AP3B2: variants seen among roughly 807,000 people sequenced by gnomAD.
AP3B2 encodes the protein adaptor related protein complex 3 subunit beta 2.
Under a neutral mutation model 126.9 loss-of-function variants are expected in AP3B2, and 50 were observed. The ratio of observed to expected loss-of-function variants is 0.39; its 90% CI spans 0.31 to 0.50. The LOEUF (loss-of-function observed/expected upper bound fraction) is 0.50. AP3B2 is among the 20% of genes least tolerant of loss of function. The pLI is 0.79. For missense variants in AP3B2, 1,177 were observed against 1,426.4 expected, an observed-to-expected ratio of 0.83 and a Z score of 2.82; for synonymous variants, 541 against 565.0, an observed-to-expected ratio of 0.96 and a Z score of 0.60.
intron 1 of AP3B2, among the ~76,000 whole-genome samples, chr15:82,703,749 C>A (rs368936348): frequency 7.2e-5 from 11 of 152,072 alleles, no homozygotes; most frequent in Non-Finnish European, 1.5e-4. Context: ...GTTCCCAATG[C>A]GACTCATCCC....
chr15:82,678,599 G>A (rs1046431010), intron 10 of AP3B2, among the ~76,000 whole-genome samples: 1 of 152,094 alleles, frequency 6.6e-6, no homozygotes, highest in African/African-American at 2.4e-5. Context: ...CCTCTGCGTG[G>A]AGCAGTTCTT....
At chr15:82,677,861 A>C in intron 11 of AP3B2, 58 bp from the exon 12 acceptor site, 1 of 1,529,452 alleles carries the variant, frequency 6.5e-7, no homozygotes, top group Non-Finnish European at 8.8e-7. Context: ...GGTGACCTTC[A>C]AGAAGGCTGT....
At chr15:82,673,392 T>C (rs908927048) in intron 14 of AP3B2, among the ~76,000 whole-genome samples, 10 of 152,082 alleles carry the variant, frequency 6.6e-5, no homozygotes, top group African/African-American at 2.4e-4. Flanking sequence ...TTTTGTACTT[T>C]TAGTAGAGAC....
intron 14 of AP3B2, among the ~76,000 whole-genome samples, chr15:82,667,374 A>AT (rs1186697819): frequency 1.1e-4 from 17 of 152,180 alleles, no homozygotes; most frequent in Admixed American, 3.3e-4. Context: ...GACAGGGCAG[A>AT]TAAACAGGGG....
At chr15:82,676,031 GCAGAGACTCACC>G (rs2048236453) in intron 14 of AP3B2, among the ~76,000 whole-genome samples, 1 of 152,022 alleles carries the variant, frequency 6.6e-6, no homozygotes, top group Non-Finnish European at 1.5e-5. Flanking sequence ...CCAAGCCCAA[GCAGAGACTCACC>G]CCCTTATCTT....
chr15:82,689,352 G>T (rs372162071), intron 2 of AP3B2, 26 bp downstream of exon 2: 1 of 1,613,162 alleles, frequency 6.2e-7, no homozygotes, highest in Non-Finnish European at 8.5e-7. Flanking sequence ...CCCGCCCGGA[G>T]GGAGGCCTCC....
Position 82,661,882 on chromosome 15 carries a change from C to T in AP3B2, c.2959G>A (p.Val987Ile), listed in dbSNP as rs746346093. The change falls in exon 25 of 27, where the codon GTT becomes ATT. Residue 987 changes from valine to isoleucine, a missense_variant. By Grantham distance (29) the Val-to-Ile change is conservative. Coordinates refer to ENST00000535359, the MANE Select transcript of AP3B2 (RefSeq NM_001278512.2). ...AACACAGGGGCCATCAGCTCCCCAA[C>T]AGGTGGCTGAATGGAGACGTAGAAC... ...RQFYVSIQPP[V>I]GELMAPVFMS... is the part of the protein sequence containing the mutation. The T allele has an allele frequency of 1.2e-6, 2 of 1,613,924 alleles. No homozygotes were observed. The highest frequency in any genetic ancestry group is 1.6e-4 in the Middle Eastern group (1 of 6,062).
intron 15 of AP3B2, among the ~76,000 whole-genome samples, chr15:82,666,037 A>G (rs1170475202): frequency 6.6e-6 from 1 of 152,220 alleles, no homozygotes; most frequent in East Asian, 1.9e-4. Flanking sequence ...TCTTCCTGGG[A>G]GAATTTCAAA....
chr15:82,662,263 A>G lies in AP3B2; in HGVS notation c.2834-11T>C, dbSNP rs2047963493. 2.5e-6 allele frequency: 4 copies of G among 1,585,614 alleles called. No homozygotes were observed. The East Asian group carries it at 9.1e-5, about 36-fold the overall frequency. On this transcript the variant is annotated splice_polypyrimidine_tract_variant and intron_variant, in intron 23 of 26. Transcript: ENST00000535359. Reference sequence around the variant, plus strand: ...CAGGTGCCAGGGACTCTGAAGTGGTATAAGGCAGTGAAGGGGAGAGGGAGG... The same window carrying G: ...CAGGTGCCAGGGACTCTGAAGTGGTGTAAGGCAGTGAAGGGGAGAGGGAGG...
chr15:82,688,337 A>T, intron 4 of AP3B2: 1 of 679,158 alleles, frequency 1.5e-6, no homozygotes, highest in Non-Finnish European at 2.7e-6. Flanking sequence ...GGTGTGGGGG[A>T]TTCAGGCCAC....
intron 25 of AP3B2, among the ~76,000 whole-genome samples, chr15:82,660,185 C>G (rs1224002647): frequency 6.6e-6 from 1 of 152,170 alleles, no homozygotes; most frequent in Non-Finnish European, 1.5e-5. Context: ...GTCAGCCTCT[C>G]TACCCCTCCC....
At chr15:82,679,918 C>T (rs779233905) in intron 9 of AP3B2, 118 bp from the exon 10 acceptor site, 24 of 978,224 alleles carry the variant, frequency 2.5e-5, no homozygotes, top group Non-Finnish European at 3.6e-5. Context: ...CACCACTGCC[C>T]TCCACTCCTC....
chr15:82,694,939 A>C (rs2048608979), intron 1 of AP3B2, among the ~76,000 whole-genome samples: 1 of 152,112 alleles, frequency 6.6e-6, no homozygotes, highest in South Asian at 2.1e-4. Flanking sequence ...CTTCTGTTCT[A>C]ATATTTGGTC....
At chr15:82,708,365 G>T (rs1414810568) in intron 1 of AP3B2, among the ~76,000 whole-genome samples, 1 of 151,910 alleles carries the variant, frequency 6.6e-6, no homozygotes, top group Non-Finnish European at 1.5e-5. Flanking sequence ...ATTGTTCAAA[G>T]CCTGTTTGGT....
At position 82,665,182 on chromosome 15, in the gene AP3B2, C is replaced by A; in HGVS notation, c.2028+65G>T. ...TATGGGAAGGCCCAGGAGCACAACA[C>A]ACAGGGGAAGAAGAGGGACACAGAC... On this transcript the variant is annotated intron_variant, in intron 17 of 26. Coordinates refer to ENST00000535359, the MANE Select transcript of AP3B2 (RefSeq NM_001278512.2). The surrounding 1 kb of genome is among the most constrained non-coding windows in gnomAD (Gnocchi z 4.4). 6.7e-7 allele frequency: 1 copy of A among 1,499,454 alleles called. No homozygotes were observed. Among genetic ancestry groups the A allele is most frequent in the Non-Finnish European group, 9.0e-7 (1 of 1,114,134 alleles). The allele number at this position is 1,499,454 out of a possible 1,614,324, so 92.9% of individuals were successfully genotyped here.
chr15:82,669,491 A>C (rs2151433038), intron 14 of AP3B2, among the ~76,000 whole-genome samples: 1 of 150,532 alleles, frequency 6.6e-6, no homozygotes. Context: ...CAAGAGATTG[A>C]GACCATCGTG....
At chr15:82,676,879 A>G (rs2048251270) in intron 13 of AP3B2, among the ~76,000 whole-genome samples, 1 of 152,214 alleles carries the variant, frequency 6.6e-6, no homozygotes, top group African/African-American at 2.4e-5. Flanking sequence ...TAAGTCAGTC[A>G]TGATGTAAAA....
chr15:82,662,306 G>C (rs1444359860), intron 23 of AP3B2, 54 bp from the exon 24 acceptor site: 1 of 1,369,916 alleles, frequency 7.3e-7, no homozygotes, highest in Non-Finnish European at 1.0e-6. Context: ...TCACCTGATA[G>C]GTCTAGAACC....
At chr15:82,682,875 C>T (rs923807046) in intron 4 of AP3B2, among the ~76,000 whole-genome samples, 2 of 151,286 alleles carry the variant, frequency 1.3e-5, no homozygotes, top group Non-Finnish European at 2.9e-5. Context: ...TTGCTTGAGC[C>T]TAGGAGTTCA....
Sources: allele counts gnomAD v4.1 joint callset (sites outside exome capture counted in the v4.1 genomes callset), GRCh38; gene constraint gnomAD v4.1.1; non-coding constraint Gnocchi (gnomAD v3.1); transcripts MANE v1.5; gene names NCBI Gene and HGNC (gene_info 2026-07-23, HGNC 2026-07-21).